Variants in ETV1 observed in about 807,000 individuals in gnomAD.
ETV1 encodes the protein ETS translocation variant 1.
A neutral mutation model predicts 62.3 loss-of-function variants in ETV1; 27 were observed. The ratio of observed to expected loss-of-function variants is 0.43; its 90% CI spans 0.32 to 0.60. ETV1 has a LOEUF of 0.60. Among genes scored for constraint, ETV1 ranks in the 20% least tolerant of loss-of-function variants. The probability of loss-of-function intolerance (pLI) is 0.06; values close to 1 mark genes in which losing one functional copy is unlikely to be tolerated. For missense variants in ETV1, 605 were observed against 605.8 expected, an observed-to-expected ratio of 1.00 and a Z score of 0.01; for synonymous variants, 222 against 199.6, an observed-to-expected ratio of 1.11 and a Z score of -0.94.
At chr7:13,931,961 C>A (rs1056935470) in intron 8 of ETV1, among the ~76,000 whole-genome samples, 18 of 151,808 alleles carry the variant, frequency 1.2e-4, no homozygotes, top group African/African-American at 4.4e-4. Context: ...CAGTCTTTTG[C>A]AGCACTGTTG....
At chr7:13,989,982 T>C (rs529133451), upstream of ETV1, 34 of 173,416 alleles carry the variant, frequency 2.0e-4, no homozygotes, top group South Asian at 6.6e-3. Context: ...GTTCCCATTA[T>C]TGGGGTGTTA....
At chr7:13,964,705 A>G (rs28490220) in intron 6 of ETV1, among the ~76,000 whole-genome samples, 2,919 of 152,194 alleles carry the variant, frequency 0.019, 104 homozygotes, top group African/African-American at 0.067. Flanking sequence ...TGAGAAAAGT[A>G]TTTCTTATTC....
At chr7:13,927,975 A>C (rs1785624419) in intron 9 of ETV1, among the ~76,000 whole-genome samples, 1 of 152,232 alleles carries the variant, frequency 6.6e-6, no homozygotes, top group Non-Finnish European at 1.5e-5. Flanking sequence ...TTTTTAGGTA[A>C]GAATTTTACA....
At chr7:13,921,234 G>A (rs1784813152) in intron 9 of ETV1, among the ~76,000 whole-genome samples, 1 of 152,146 alleles carries the variant, frequency 6.6e-6, no homozygotes, top group Non-Finnish European at 1.5e-5. Flanking sequence ...CCACGGTTTA[G>A]CCTTTGGAAG....
intron 12 of ETV1, chr7:13,906,091 C>G (rs1180894483): frequency 2.7e-5 from 5 of 185,966 alleles, no homozygotes; most frequent in Non-Finnish European, 3.3e-5. Context: ...GTTCCTCTCT[C>G]CTAAGGACCA....
intron 6 of ETV1, among the ~76,000 whole-genome samples, chr7:13,944,686 G>C (rs1562658075): frequency 6.6e-6 from 1 of 152,160 alleles, no homozygotes; most frequent in Non-Finnish European, 1.5e-5. Context: ...TATCTAGGGA[G>C]CTGCTGGAGA....
intron 9 of ETV1, among the ~76,000 whole-genome samples, chr7:13,918,266 G>A (rs946360743): frequency 2.0e-5 from 3 of 152,058 alleles, no homozygotes; most frequent in Non-Finnish European, 2.9e-5. Context: ...TGGGTCAAAT[G>A]GTATTTCTAG....
At chr7:13,938,496 T>G (rs925589320) in intron 7 of ETV1, among the ~76,000 whole-genome samples, 6 of 152,228 alleles carry the variant, frequency 3.9e-5, no homozygotes, top group Admixed American at 2.0e-4. Context: ...TTTATGCAAT[T>G]AAAGGCCAAT....
chr7:13,945,135 C>A (rs920962028), intron 6 of ETV1, among the ~76,000 whole-genome samples: 4 of 152,172 alleles, frequency 2.6e-5, no homozygotes, highest in South Asian at 2.1e-4. Flanking sequence ...AATTAATACA[C>A]CACTCCCAGA....
At chr7:13,988,377 G>A in intron 3 of ETV1, 2 of 581,138 alleles carry the variant, frequency 3.4e-6, no homozygotes, top group South Asian at 4.5e-5. Flanking sequence ...TAAGCAGGCA[G>A]GGAGAGTTGC....
At chr7:13,924,997 A>C (rs368685333) in intron 9 of ETV1, among the ~76,000 whole-genome samples, 7 of 152,316 alleles carry the variant, frequency 4.6e-5, no homozygotes, top group East Asian at 1.9e-4. Flanking sequence ...GCCTTAAGAA[A>C]CACAATTTAA....
chr7:13,900,476 A>G (rs1437655195), intron 13 of ETV1: 2 of 351,576 alleles, frequency 5.7e-6, no homozygotes, highest in Non-Finnish European at 1.0e-5. Flanking sequence ...TAATACTAAA[A>G]CAATCTTTTT....
chr7:13,970,693 A>G (rs1054986879), intron 6 of ETV1, among the ~76,000 whole-genome samples: 2 of 152,250 alleles, frequency 1.3e-5, no homozygotes, highest in East Asian at 3.9e-4. Flanking sequence ...GTAATAAAAA[A>G]TCAACTTTAT....
rs962124965 is a variant in ETV1 at position 13,909,757 on chromosome 7, TAA to T, written c.872-59_872-58del. On this transcript the variant is annotated intron_variant, in intron 10 of 13. Coordinates refer to ENST00000430479, the MANE Select transcript of ETV1 (RefSeq NM_004956.5). ...GATAGAAATGAAGCTCACAAACACT[TAA>T]AATATAACCATTTAACATAAAAATT... 14 of 1,366,274 alleles carry T rather than the reference TAA, an allele frequency of 1.0e-5. No individual in the cohort carries two copies. The African/African-American group carries it at 1.9e-4, about 18-fold the overall frequency. The allele number at this position is 1,366,274 out of a possible 1,614,324, so 84.6% of individuals were successfully genotyped here. A position where few individuals can be genotyped will look rare whatever the true frequency, so the allele number is the denominator to read the frequency against.
chr7:13,914,244 C>G (rs2299093), intron 9 of ETV1, among the ~76,000 whole-genome samples: 46,663 of 151,766 alleles, frequency 0.31, 7,522 homozygotes, highest in East Asian at 0.4. Flanking sequence ...GCTCCTAAAG[C>G]GCTCTGGTTT....
At chr7:13,961,355 C>T (rs894172072) in intron 6 of ETV1, among the ~76,000 whole-genome samples, 1 of 152,048 alleles carries the variant, frequency 6.6e-6, no homozygotes, top group Non-Finnish European at 1.5e-5. Flanking sequence ...AAATGGGCTT[C>T]AAGAGGACCA....
At chr7:13,912,601 C>T (rs1259813689) in intron 9 of ETV1, among the ~76,000 whole-genome samples, 1 of 152,120 alleles carries the variant, frequency 6.6e-6, no homozygotes, top group African/African-American at 2.4e-5. Flanking sequence ...CAATGGATGG[C>T]AATTTAGAAA....
intron 6 of ETV1, among the ~76,000 whole-genome samples, chr7:13,945,162 G>C (rs1788007488): frequency 6.6e-6 from 1 of 152,166 alleles, no homozygotes; most frequent in African/African-American, 2.4e-5. Context: ...ATTCATTAGA[G>C]CTGGGTTGTA....
At chr7:13,953,000 G>C (rs969724511) in intron 6 of ETV1, among the ~76,000 whole-genome samples, 2 of 152,150 alleles carry the variant, frequency 1.3e-5, no homozygotes, top group Admixed American at 6.5e-5. Context: ...ATAAGAACAG[G>C]GAAAGGAAGG....
Sources: gnomAD v4.1 joint callset for allele counts (sites outside exome capture counted in the v4.1 genomes callset) on GRCh38, gnomAD v4.1.1 for gene constraint, MANE v1.5 for transcripts, NCBI Gene and HGNC (gene_info 2026-07-23, HGNC 2026-07-21) for gene names.